Variants in EFCAB6 observed in about 807,000 individuals in gnomAD.
EFCAB6 encodes EF-hand calcium binding domain 6.
EFCAB6 carries 156 observed loss-of-function variants against 169.8 expected under a neutral mutation model. That is an observed-to-expected ratio of 0.92 (90% confidence interval 0.81 to 1.05). The LOEUF is 1.05. Ranked by LOEUF, EFCAB6 falls within the 50% of genes least tolerant of loss-of-function variation. EFCAB6 has a pLI of 0.00. For synonymous variants in EFCAB6, 698 were observed against 676.4 expected (o/e 1.03, Z -0.50); for missense variants, 1,800 against 1,829.1 (o/e 0.98, Z 0.29).
intron 9 of EFCAB6, among the ~76,000 whole-genome samples, chr22:43,714,500 C>A (rs528357080): frequency 6.8e-6 from 1 of 147,220 alleles, no homozygotes; most frequent in South Asian, 2.2e-4. Context: ...CGAGATATAG[C>A]TTTGTTTTGC....
chr22:43,600,229 G>C lies in EFCAB6; in HGVS notation c.2716C>G (p.Gln906Glu). Residue 906 changes from glutamine (Q) to glutamate (E), a missense_variant, in exon 23 of 32, where the codon CAG (glutamine) becomes GAG (glutamate). By Grantham distance (29) the Gln-to-Glu change is conservative. Coordinates refer to ENST00000262726, the MANE Select transcript of EFCAB6 (RefSeq NM_022785.4). The stretch of plus-strand genomic sequence containing the variant: ...ATACCCAATTTCTGTAAAAATTCCT[G>C]GTAAGTAATGTGCCCTTTTCCCTCG... ...DTEGKGHITY[Q>E]EFLQKLGINY... 4 of 1,613,952 alleles carry C rather than the reference G, an allele frequency of 2.5e-6. No individual in the cohort carries two copies. The highest frequency in any genetic ancestry group is 3.4e-6 in the Non-Finnish European group (4 of 1,179,968).
At chr22:43,810,040 A>G (rs923104528) in intron 1 of EFCAB6, among the ~76,000 whole-genome samples, 2 of 152,006 alleles carry the variant, frequency 1.3e-5, no homozygotes, top group Non-Finnish European at 2.9e-5. Flanking sequence ...AGCTGGAAGT[A>G]CAGGCACATG....
intron 13 of EFCAB6, 42 bp downstream of exon 13, chr22:43,677,954 A>G (rs755157052): frequency 5.7e-6 from 9 of 1,578,990 alleles, no homozygotes; most frequent in South Asian, 3.5e-5. Context: ...AAATTTCCCA[A>G]CATAAAGAGA....
chr22:43,677,730 G>A (rs950540625), intron 13 of EFCAB6, among the ~76,000 whole-genome samples: 2 of 152,092 alleles, frequency 1.3e-5, no homozygotes, highest in Non-Finnish European at 2.9e-5. Flanking sequence ...TGCTGTTGAG[G>A]TGGCGCCAGT....
chr22:43,626,303 T>C (rs1213278850), intron 20 of EFCAB6, 144 bp downstream of exon 20: 2 of 794,180 alleles, frequency 2.5e-6, no homozygotes, highest in Admixed American at 2.8e-5. Context: ...GCATATTTCT[T>C]GTATGACTTT....
chr22:43,583,829 G>C (rs1003139256), intron 24 of EFCAB6, among the ~76,000 whole-genome samples: 14 of 151,852 alleles, frequency 9.2e-5, no homozygotes, highest in Non-Finnish European at 1.5e-4. Context: ...TGTGAGAAAT[G>C]AATTTCTGTT....
chr22:43,657,557 T>G (rs1406401262), intron 17 of EFCAB6, among the ~76,000 whole-genome samples: 2 of 152,132 alleles, frequency 1.3e-5, no homozygotes, highest in Non-Finnish European at 2.9e-5. Context: ...ATTGAAAAGA[T>G]AGTATACTAA....
Position 43,610,481 on chromosome 22 carries a change from T to C in EFCAB6, c.2563-1881A>G, listed in dbSNP as rs150324580. ...AATCAAATCTGCAATGAGATACTAT[T>C]ACATATCCACTAGAGTGGAAAAAAC... On this transcript the variant is annotated intron_variant, in intron 21 of 31. Transcript: ENST00000262726. 3.5e-3 allele frequency among the ~76,000 whole-genome samples: 539 copies of C among 152,332 alleles called. 2 individuals carry two copies. Among genetic ancestry groups the C allele is most frequent in the African/African-American group, 0.012 (517 of 41,588 alleles).
At chr22:43,553,095 G>A (rs1359463490) in intron 27 of EFCAB6, 1 of 152,228 alleles carries the variant, frequency 6.6e-6, no homozygotes, top group Non-Finnish European at 1.5e-5. Context: ...GGGGCAGTGA[G>A]TTCAGAGCTG....
chr22:43,679,185 C>T (rs2057901777), intron 12 of EFCAB6, among the ~76,000 whole-genome samples: 2 of 152,174 alleles, frequency 1.3e-5, no homozygotes, highest in South Asian at 4.1e-4. Flanking sequence ...AAGGCAATGA[C>T]TCCATTTTCT....
At chr22:43,568,970 T>A (rs1049208131) in intron 26 of EFCAB6, among the ~76,000 whole-genome samples, 1 of 152,138 alleles carries the variant, frequency 6.6e-6, no homozygotes, top group African/African-American at 2.4e-5. Context: ...AGGGCCCAGG[T>A]GGGGAAAGCC....
intron 22 of EFCAB6, among the ~76,000 whole-genome samples, chr22:43,605,135 A>T (rs1056379705): frequency 2.6e-5 from 4 of 152,064 alleles, no homozygotes; most frequent in African/African-American, 9.7e-5. Context: ...TCCAACTGAA[A>T]CCACCTTTGC....
intron 24 of EFCAB6, among the ~76,000 whole-genome samples, chr22:43,583,351 T>C (rs986068828): frequency 6.6e-6 from 1 of 151,546 alleles, no homozygotes; most frequent in Non-Finnish European, 1.5e-5. Context: ...ATTCTCTCCA[T>C]TGTAATAATC....
At chr22:43,810,435 A>C (rs2063073204) in intron 1 of EFCAB6, among the ~76,000 whole-genome samples, 1 of 152,238 alleles carries the variant, frequency 6.6e-6, no homozygotes, top group South Asian at 2.1e-4. Flanking sequence ...TAATACTGAA[A>C]GGGTATCATA....
At chr22:43,595,315 G>A (rs2051913344) in intron 23 of EFCAB6, among the ~76,000 whole-genome samples, 1 of 151,788 alleles carries the variant, frequency 6.6e-6, no homozygotes, top group South Asian at 2.1e-4. Flanking sequence ...CAATACAAAA[G>A]ATCAACAAAA....
At chr22:43,582,981 C>A (rs999029851) in intron 24 of EFCAB6, among the ~76,000 whole-genome samples, 5 of 152,146 alleles carry the variant, frequency 3.3e-5, no homozygotes, top group Admixed American at 6.5e-5. Context: ...ATAGACCCTC[C>A]AAATTCCCAG....
chr22:43,717,850 G>A (rs1245801899), intron 8 of EFCAB6, among the ~76,000 whole-genome samples: 2 of 152,140 alleles, frequency 1.3e-5, no homozygotes, highest in African/African-American at 4.8e-5. Context: ...CAATCTAAAT[G>A]CCCATTCATA....
chr22:43,741,341 C>T (rs2060362814), intron 6 of EFCAB6, among the ~76,000 whole-genome samples: 1 of 152,186 alleles, frequency 6.6e-6, no homozygotes, highest in South Asian at 2.1e-4. Flanking sequence ...TGCCCCTTTT[C>T]ACTCTGCCTC....
rs2054548590 is a variant in EFCAB6, at chr22:43,626,677, G to T, written c.2235C>A (p.Asp745Glu). The T allele has an allele frequency of 6.2e-7, 1 of 1,614,036 alleles. No individual in the cohort carries two copies. Among genetic ancestry groups the T allele is most frequent in the Non-Finnish European group, 8.5e-7 (1 of 1,180,004 alleles). ...FPRRLKESFR[D>E]PYSAFFKTDA... ...CTGTTTTAAAGAAGGCAGAGTAGGGGTCCTAAAAACAAAACACACACGTCA... is the reference window on the plus strand; with the variant it reads ...CTGTTTTAAAGAAGGCAGAGTAGGGTTCCTAAAAACAAAACACACACGTCA... Residue 745 changes from aspartate (D) to glutamate (E), a missense_variant and splice_region_variant, in exon 20 of 32, where the codon GAC (aspartate) becomes GAA (glutamate). Asp to Glu is a conservative substitution (Grantham distance 45). Transcript: ENST00000262726.
Sources: allele counts gnomAD v4.1 joint callset (sites outside exome capture counted in the v4.1 genomes callset), GRCh38; gene constraint gnomAD v4.1.1; transcripts MANE v1.5; gene names NCBI Gene and HGNC (gene_info 2026-07-23, HGNC 2026-07-21).